PPP2R5C: variants seen among roughly 807,000 people sequenced by gnomAD.
The protein encoded by PPP2R5C is serine/threonine-protein phosphatase 2A 56 kDa regulatory subunit gamma isoform.
In PPP2R5C, 7 loss-of-function variants were observed where a neutral mutation model predicts 68.9. That is an observed-to-expected ratio of 0.10 (90% CI 0.06 to 0.19). PPP2R5C has a LOEUF of 0.19. Among genes scored for constraint, PPP2R5C ranks in the 10% least tolerant of loss-of-function variants. The pLI is 1.00. For missense variants in PPP2R5C, 348 were observed against 641.3 expected, an observed-to-expected ratio of 0.54 and a Z score of 4.94; for synonymous variants, 210 against 222.2, an observed-to-expected ratio of 0.95 and a Z score of 0.49.
At chr14:101,765,389 TTC>T in intron 2 of PPP2R5C, 1 of 628,520 alleles carries the variant, frequency 1.6e-6, no homozygotes, top group Non-Finnish European at 2.9e-6. Flanking sequence ...CCCCTCAGTC[TTC>T]AGCTCACTGC....
intron 2 of PPP2R5C, among the ~76,000 whole-genome samples, chr14:101,875,841 T>A (rs1262611491): frequency 6.6e-6 from 1 of 152,230 alleles, no homozygotes; most frequent in Non-Finnish European, 1.5e-5. Flanking sequence ...TCATTCCACA[T>A]CAAAGGTTCC....
chr14:101,859,062 CCA>C (rs1239121361), intron 2 of PPP2R5C, among the ~76,000 whole-genome samples: 1 of 152,306 alleles, frequency 6.6e-6, no homozygotes, highest in Non-Finnish European at 1.5e-5. Context: ...GCGCTGGGCT[CCA>C]GAGCGTTGCC....
At chr14:101,784,951 G>T (rs766191115) in intron 2 of PPP2R5C, among the ~76,000 whole-genome samples, 1 of 152,150 alleles carries the variant, frequency 6.6e-6, no homozygotes, top group African/African-American at 2.4e-5. Context: ...GAGCTCCTTT[G>T]GCCTCTGTGG....
chr14:101,837,953 C>T (rs1463698859), intron 1 of PPP2R5C, among the ~76,000 whole-genome samples: 1 of 152,162 alleles, frequency 6.6e-6, no homozygotes, highest in Non-Finnish European at 1.5e-5. Flanking sequence ...GGCTGTCGGA[C>T]TTGGCCGTGT....
chr14:101,917,397 C>A lies in PPP2R5C; in HGVS notation c.1327-434C>A, dbSNP rs928003619. 6.6e-6 allele frequency among the ~76,000 whole-genome samples: 1 copy of A among 151,940 alleles called. No homozygotes were observed. Among genetic ancestry groups the A allele is most frequent in the Non-Finnish European group, 1.5e-5 (1 of 67,988 alleles). The stretch of plus-strand genomic sequence containing the variant: ...AGCTGTCTCGATGAGAGGACATGAT[C>A]GTGAGAGGAAAGGGAAAAGAATCAT... On this transcript the variant is annotated intron_variant, in intron 12 of 13. Coordinates refer to ENST00000334743, the Ensembl canonical transcript of PPP2R5C. This position sits in a 1 kb window ranked among gnomAD's most constrained non-coding sequence, Gnocchi z 4.4.
intron 2 of PPP2R5C, among the ~76,000 whole-genome samples, chr14:101,777,282 T>G (rs1425630138): frequency 2.6e-5 from 4 of 152,232 alleles, no homozygotes; most frequent in Non-Finnish European, 4.4e-5. Flanking sequence ...GATTTTTGTT[T>G]GAACACTTGT....
chr14:101,855,496 A>T (rs1350792869), intron 1 of PPP2R5C, among the ~76,000 whole-genome samples: 1 of 152,228 alleles, frequency 6.6e-6, no homozygotes, highest in Admixed American at 6.5e-5. Context: ...TATATCAGTA[A>T]AAGCCGTCTG....
chr14:101,833,793 A>G (rs1566884958), intron 1 of PPP2R5C, among the ~76,000 whole-genome samples: 1 of 152,052 alleles, frequency 6.6e-6, no homozygotes. Context: ...ATTCAATCCA[A>G]GGGTTTTTTT....
At chr14:101,922,029 TAGAG>T in intron 13 of PPP2R5C, 1 of 985,424 alleles carries the variant, frequency 1.0e-6, no homozygotes, top group Non-Finnish European at 1.2e-6. Context: ...AAGGAAGGTG[TAGAG>T]AGACGGAAGG....
chr14:101,853,930 C>T (rs1234038315), intron 1 of PPP2R5C, among the ~76,000 whole-genome samples: 1 of 152,056 alleles, frequency 6.6e-6, no homozygotes, highest in Non-Finnish European at 1.5e-5. Context: ...TGCCAAACAG[C>T]TCCAAATACA....
intron 2 of PPP2R5C, among the ~76,000 whole-genome samples, chr14:101,859,606 G>A (rs192805071): frequency 3.3e-5 from 5 of 152,350 alleles, no homozygotes; most frequent in Middle Eastern, 3.4e-3. Flanking sequence ...TTGATGAGAA[G>A]TATAGTGAAA....
At chr14:101,898,417 A>C (rs562063729) in intron 8 of PPP2R5C, among the ~76,000 whole-genome samples, 5 of 152,296 alleles carry the variant, frequency 3.3e-5, no homozygotes, top group Non-Finnish European at 7.3e-5. Flanking sequence ...GGGCTCGGTG[A>C]ATGAGCCTCA....
chr14:101,797,509 C>T lies in PPP2R5C; in HGVS notation c.259+11326C>T, dbSNP rs2038669695. ...CTTTCTCCACCCTCTCCATTTTCAC[C>T]GAGATGGTTGTGGTGTCACCTCTCG... is the stretch of plus-strand genomic sequence containing the variant. On this transcript the variant is annotated intron_variant, in intron 3 of 14. Coordinates refer to the PPP2R5C transcript ENST00000328724. This position sits in a 1 kb window ranked among gnomAD's most constrained non-coding sequence, Gnocchi z 4.2. 1 of 335,264 alleles carries T rather than the reference C, an allele frequency of 3.0e-6. No individual in the cohort carries two copies. The allele number at this position is 335,264 out of a possible 1,614,324, so 20.8% of individuals were successfully genotyped here.
intron 2 of PPP2R5C, among the ~76,000 whole-genome samples, chr14:101,867,689 G>A (rs1194433358): frequency 6.6e-6 from 1 of 151,820 alleles, no homozygotes; most frequent in African/African-American, 2.4e-5. Context: ...GAGGCAGAAG[G>A]ATTGCTGGAA....
intron 1 of PPP2R5C, among the ~76,000 whole-genome samples, chr14:101,846,526 T>A (rs545720845): frequency 6.6e-6 from 1 of 152,324 alleles, no homozygotes; most frequent in East Asian, 1.9e-4. Flanking sequence ...ATTAACCCAA[T>A]TTTGAAGTTA....
rs1240351837 is a variant in PPP2R5C at position 101,917,819 on chromosome 14, T to G, written c.1327-12T>G. The G allele has an allele frequency of 6.2e-7, 1 of 1,613,282 alleles. No homozygotes were observed. The highest frequency in any genetic ancestry group is 8.5e-7 in the Non-Finnish European group (1 of 1,179,442). ...GGCACCTAACAGAGCGACTCCACGC[T>G]TTGCATTGCAGTACACAGTGTATAG... On this transcript the variant is annotated splice_polypyrimidine_tract_variant and intron_variant, in intron 12 of 13. Coordinates refer to ENST00000334743, the Ensembl canonical transcript of PPP2R5C. The surrounding 1 kb of genome is among the most constrained non-coding windows in gnomAD (Gnocchi z 4.4).
intron 1 of PPP2R5C, among the ~76,000 whole-genome samples, chr14:101,813,927 T>G (rs1020716686): frequency 1.3e-5 from 2 of 152,200 alleles, no homozygotes; most frequent in Non-Finnish European, 2.9e-5. Flanking sequence ...GGTCTTCACC[T>G]TTCCAATAAA....
intron 1 of PPP2R5C, chr14:101,817,961 C>G (rs953924463): frequency 6.6e-6 from 1 of 152,220 alleles, no homozygotes; most frequent in Non-Finnish European, 1.5e-5. Context: ...TTCTTTTTCT[C>G]CAGCTGTATT....
chr14:101,876,417 T>A (rs905691147), intron 2 of PPP2R5C, among the ~76,000 whole-genome samples: 1 of 133,650 alleles, frequency 7.5e-6, no homozygotes, highest in Non-Finnish European at 1.7e-5. Flanking sequence ...CTGTCAGCGG[T>A]TTTTTTTTTT....
Sources: allele counts gnomAD v4.1 joint callset (sites outside exome capture counted in the v4.1 genomes callset), GRCh38; gene constraint gnomAD v4.1.1; non-coding constraint Gnocchi (gnomAD v3.1); transcripts MANE v1.5; gene names NCBI Gene and HGNC (gene_info 2026-07-23, HGNC 2026-07-21).